Variants in STARD5 observed in about 807,000 individuals in gnomAD.
STARD5 encodes stAR-related lipid transfer protein 5.
Under a neutral mutation model 24.6 loss-of-function variants are expected in STARD5, and 26 were observed. That is an observed-to-expected ratio of 1.06 (90% CI 0.77 to 1.47). STARD5 has a LOEUF of 1.47. STARD5 is among the 40% of genes most tolerant of loss of function. STARD5 has a pLI of 0.00. For synonymous variants in STARD5, 101 were observed against 99.7 expected, an observed-to-expected ratio of 1.01 and a Z score of -0.07; for missense variants, 254 against 270.8, an observed-to-expected ratio of 0.94 and a Z score of 0.44.
intron 3 of STARD5, among the ~76,000 whole-genome samples, chr15:81,320,140 C>T (rs952597298): frequency 3.3e-5 from 5 of 152,100 alleles, no homozygotes; most frequent in African/African-American, 7.2e-5. Context: ...CAGGCTCTCT[C>T]GAGGTCACAG....
Position 81,313,113 on chromosome 15 carries a change from G to T in STARD5, c.*143C>A. ...GAAGGGTGGGCTGCCGCCTCTGGTTGGCATTCTCAGAGATGCGCAGTCCAT... is the reference window on the plus strand; with the variant it reads ...GAAGGGTGGGCTGCCGCCTCTGGTTTGCATTCTCAGAGATGCGCAGTCCAT... On this transcript the variant is annotated 3_prime_UTR_variant, in exon 6 of 6. Coordinates refer to ENST00000302824, the MANE Select transcript of STARD5 (RefSeq NM_181900.3). The T allele has an allele frequency of 2.0e-6, 2 of 1,015,384 alleles. No individual in the cohort carries two copies. Among genetic ancestry groups the T allele is most frequent in the Non-Finnish European group, 2.7e-6 (2 of 744,128 alleles). The allele number at this position is 1,015,384 out of a possible 1,614,324, so 62.9% of individuals were successfully genotyped here.
chr15:81,321,283 A>G (rs1190198369), intron 3 of STARD5, among the ~76,000 whole-genome samples: 1 of 152,162 alleles, frequency 6.6e-6, no homozygotes, highest in Non-Finnish European at 1.5e-5. Context: ...TATTTTAATG[A>G]ATTACACTCG....
rs74028611 is a variant in STARD5 at position 81,323,574 on chromosome 15, T to C, written c.99+427A>G. 4.6e-4 allele frequency: 605 copies of C among 1,324,654 alleles called. 3 individuals carry two copies. In the African/African-American group the frequency reaches 7.5e-3, roughly 16 times the overall value. 82.1% of individuals were successfully genotyped at this position (1,324,654 alleles called of 1,614,324 possible). A position where few individuals can be genotyped will look rare whatever the true frequency, so the allele number is the denominator to read the frequency against. On this transcript the variant is annotated intron_variant, in intron 1 of 5. Coordinates refer to ENST00000302824, the MANE Select transcript of STARD5 (RefSeq NM_181900.3). ...CTGTAATGAACACAGAAGAAAACCTTAGTATGCATCAGATGCTGGATCAGA... is the reference window on the plus strand; with the variant it reads ...CTGTAATGAACACAGAAGAAAACCTCAGTATGCATCAGATGCTGGATCAGA...
At chr15:81,313,677 C>T (rs1900988882) in intron 5 of STARD5, 1 of 264,270 alleles carries the variant, frequency 3.8e-6, no homozygotes. Context: ...TACCCTGCTG[C>T]CCGATTCACT....
Position 81,313,051 on chromosome 15 carries a change from C to T in STARD5, c.*205G>A. On this transcript the variant is annotated 3_prime_UTR_variant, in exon 6 of 6. Transcript: ENST00000302824. ...GATGGAGTTTGGAACACATGAATGGCTCATCACACGCCAACCCTGAGTGGG... is the reference window on the plus strand; with the variant it reads ...GATGGAGTTTGGAACACATGAATGGTTCATCACACGCCAACCCTGAGTGGG... 1 of 459,534 alleles carries T rather than the reference C, an allele frequency of 2.2e-6. No individual in the cohort carries two copies. 28.5% of individuals were successfully genotyped at this position (459,534 alleles called of 1,614,324 possible).
chr15:81,322,637 T>C, intron 2 of STARD5, 97 bp from the exon 3 acceptor site: 1 of 1,574,682 alleles, frequency 6.4e-7, no homozygotes, highest in Non-Finnish European at 8.7e-7. Context: ...GCCATGTCTG[T>C]CACTACTCTT....
chr15:81,322,678 G>C, intron 2 of STARD5, 138 bp from the exon 3 acceptor site: 2 of 1,414,494 alleles, frequency 1.4e-6, no homozygotes, highest in Non-Finnish European at 9.7e-7. Flanking sequence ...GGGGCTGAAA[G>C]TCACTAGCCC....
At chr15:81,317,758 C>G (rs759776067) in intron 5 of STARD5, among the ~76,000 whole-genome samples, 3 of 152,132 alleles carry the variant, frequency 2.0e-5, no homozygotes, top group Non-Finnish European at 4.4e-5. Flanking sequence ...TTGCTGTCAA[C>G]ATGCATGATT....
intron 4 of STARD5, among the ~76,000 whole-genome samples, chr15:81,318,822 C>G (rs573611349): frequency 3.9e-5 from 6 of 152,188 alleles, no homozygotes; most frequent in Non-Finnish European, 8.8e-5. Context: ...GAGAAAAGAA[C>G]ATTCTAGAAC....
Position 81,323,812 on chromosome 15 carries a change from C to A in STARD5, c.99+189G>T. 3 of 713,512 alleles carry A rather than the reference C, an allele frequency of 4.2e-6. No individual in the cohort carries two copies. In the South Asian group the frequency reaches 5.3e-5, roughly 13 times the overall value. 44.2% of individuals were successfully genotyped at this position (713,512 alleles called of 1,614,324 possible). ...GGAACAGATACTTACCACCTGAAGT[C>A]ATTGTGAGCATAACAGGCCCAATCT... On this transcript the variant is annotated intron_variant, in intron 1 of 5. Transcript: ENST00000302824.
Position 81,311,303 on chromosome 15 carries a change from A to C in STARD5, c.*1953T>G, listed in dbSNP as rs540956411. The C allele has an allele frequency of 1.3e-5, 2 of 152,342 alleles. No individual in the cohort carries two copies. The highest frequency in any genetic ancestry group is 2.1e-4 in the South Asian group (1 of 4,828). 9.4% of individuals were successfully genotyped at this position (152,342 alleles called of 1,614,324 possible). On this transcript the variant is annotated 3_prime_UTR_variant, in exon 6 of 6. Coordinates refer to ENST00000302824, the MANE Select transcript of STARD5 (RefSeq NM_181900.3). ...TGCCCAGCATTTTACTGATTCATAC[A>C]TTATCTCACTTGTGCCAACACTCAA...
In STARD5 at chr15:81,312,862, A is replaced by G. The variant is rs2141666524; in HGVS notation, c.*394T>C. 6.5e-6 allele frequency: 1 copy of G among 154,946 alleles called. No individual in the cohort carries two copies. The highest frequency in any genetic ancestry group is 2.4e-5 in the African/African-American group (1 of 41,704). 9.6% of individuals were successfully genotyped at this position (154,946 alleles called of 1,614,324 possible). On this transcript the variant is annotated 3_prime_UTR_variant, in exon 6 of 6. Transcript: ENST00000302824. ...CAACAGGGCCTGGTTTTCAGTGGCG[A>G]TGATGATTCTCTATGACAGTCAGGG...
chr15:81,317,376 T>G (rs370563101), intron 5 of STARD5, among the ~76,000 whole-genome samples: 1 of 151,910 alleles, frequency 6.6e-6, no homozygotes, highest in African/African-American at 2.4e-5. Context: ...CACTGAAAGG[T>G]GAGTCTTAGC....
intron 5 of STARD5, among the ~76,000 whole-genome samples, chr15:81,318,024 A>G (rs1901117884): frequency 6.6e-6 from 1 of 152,138 alleles, no homozygotes; most frequent in Admixed American, 6.5e-5. Flanking sequence ...GAGGGTATTC[A>G]GGGAGGACTC....
rs978038165 is a variant in STARD5 at position 81,312,132 on chromosome 15, G to A, written c.*1124C>T. ...TCTTTCTTACAAGGAAGGTGGTGGGGGTGCAGATGAGGTTGCTAGAGAATG... is the reference window on the plus strand; with the variant it reads ...TCTTTCTTACAAGGAAGGTGGTGGGAGTGCAGATGAGGTTGCTAGAGAATG... On this transcript the variant is annotated 3_prime_UTR_variant, in exon 6 of 6. Transcript: ENST00000302824. 1 of 152,252 alleles carries A rather than the reference G, an allele frequency of 6.6e-6. No individual in the cohort carries two copies. Among genetic ancestry groups the A allele is most frequent in the Non-Finnish European group, 1.5e-5 (1 of 68,082 alleles). The allele number at this position is 152,252 out of a possible 1,614,324, so 9.4% of individuals were successfully genotyped here.
At chr15:81,320,575 A>G (rs1172426533) in intron 3 of STARD5, among the ~76,000 whole-genome samples, 1 of 152,200 alleles carries the variant, frequency 6.6e-6, no homozygotes, top group African/African-American at 2.4e-5. Flanking sequence ...CAAAGGGACA[A>G]TTAGGAGTGC....
chr15:81,315,702 C>T (rs547516208), intron 5 of STARD5, among the ~76,000 whole-genome samples: 14 of 152,188 alleles, frequency 9.2e-5, no homozygotes, highest in African/African-American at 3.4e-4. Flanking sequence ...CCACCTCACC[C>T]CCAATGAGTC....
rs1026292980 is a variant in STARD5 at position 81,312,685 on chromosome 15, T to C, written c.*571A>G. ...TGAAAGTGTTTTTCCTTAATGCTTA[T>C]CCTGTTTTTAAACCATTATTTCCAA... On this transcript the variant is annotated 3_prime_UTR_variant, in exon 6 of 6. Coordinates refer to ENST00000302824, the MANE Select transcript of STARD5 (RefSeq NM_181900.3). The C allele has an allele frequency of 6.6e-6, 1 of 152,280 alleles. No homozygotes were observed. The highest frequency in any genetic ancestry group is 2.4e-5 in the African/African-American group (1 of 41,472). The allele number at this position is 152,280 out of a possible 1,614,324, so 9.4% of individuals were successfully genotyped here.
At chr15:81,315,822 C>A (rs1031176468) in intron 5 of STARD5, among the ~76,000 whole-genome samples, 3 of 152,166 alleles carry the variant, frequency 2.0e-5, no homozygotes, top group Non-Finnish European at 4.4e-5. Context: ...GGGTGGAGTG[C>A]AGACGATGCT....
Sources: allele counts gnomAD v4.1 joint callset (sites outside exome capture counted in the v4.1 genomes callset), GRCh38; gene constraint gnomAD v4.1.1; transcripts MANE v1.5; gene names NCBI Gene and HGNC (gene_info 2026-07-23, HGNC 2026-07-21).